The following ZDBF2 variants were observed in gnomAD, a reference collection of about 807,000 sequenced individuals.
ZDBF2 encodes the protein DBF4-type zinc finger-containing protein 2.
A neutral mutation model predicts 9.4 loss-of-function variants in ZDBF2; 6 were observed. The ratio of observed to expected loss-of-function variants is 0.64; its 90% CI spans 0.35 to 1.27. ZDBF2 has a LOEUF of 1.27. Among genes scored for constraint, ZDBF2 ranks in the 50% most tolerant of loss-of-function variants. ZDBF2 has a pLI of 0.03. For synonymous variants in ZDBF2, 905 were observed against 946.3 expected (o/e 0.96, Z 0.80); for missense variants, 2,697 against 2,766.8 (o/e 0.97, Z 0.57).
In ZDBF2 at chr2:206,309,338, A is replaced by G. The variant is rs759888565; in HGVS notation, c.4810A>G (p.Ile1604Val). Residue 1604 changes from isoleucine to valine, a missense_variant, in exon 5 of 5, where the codon ATA (isoleucine) becomes GTA (valine). Around this residue, in one of 3 missense-constraint regions of ZDBF2, gnomAD observed 1,783 missense variants for 1,776.5 expected, o/e 1.00. Transcript: ENST00000374423. ...TNQCKETFKI[I>V]NRKKDYIILG... ...CCAATGCAAAGAGACTTTCAAAATA[A>G]TAAACCGGAAGAAGGACTATATTAT... 2 of 1,612,960 alleles carry G rather than the reference A, an allele frequency of 1.2e-6. No homozygotes were observed. The highest frequency in any genetic ancestry group is 1.7e-6 in the Non-Finnish European group (2 of 1,179,518).
chr2:206,304,794 A>G lies in ZDBF2; in HGVS notation c.266A>G (p.Glu89Gly). ...VVHLDDAFSE[E>G]EEEDEDKVED... ...CATTTGGATGATGCTTTTTCTGAAG[A>G]AGAGGAAGAGGATGAGGATAAGGTT... is the stretch of plus-strand genomic sequence containing the variant. The change falls in exon 5 of 5, where the codon GAA becomes GGA. Residue 89 changes from glutamate (E) to glycine (G), a missense_variant. Coordinates refer to ENST00000374423, the MANE Select transcript of ZDBF2 (RefSeq NM_020923.3). 5.6e-6 allele frequency: 9 copies of G among 1,613,656 alleles called. No individual in the cohort carries two copies. The highest frequency in any genetic ancestry group is 7.6e-6 in the Non-Finnish European group (9 of 1,179,728).
At position 206,304,770 on chromosome 2, in the gene ZDBF2, A is replaced by G; in HGVS notation, c.242A>G (p.His81Arg). ...VNTGSSSEVVHLDDAFSEEEE... is the reference protein window; with the variant it reads ...VNTGSSSEVVRLDDAFSEEEE... ...ACTGGGTCATCGTCTGAAGTGGTGC[A>G]TTTGGATGATGCTTTTTCTGAAGAA... The change falls in exon 5 of 5, where the codon CAT (histidine) becomes CGT (arginine). Residue 81 changes from histidine to arginine, a missense_variant. His to Arg is a conservative substitution (Grantham distance 29). Transcript: ENST00000374423. The G allele has an allele frequency of 6.2e-7, 1 of 1,613,586 alleles. No individual in the cohort carries two copies.
At chr2:206,297,889 C>T (rs1692280337) in intron 4 of ZDBF2, among the ~76,000 whole-genome samples, 1 of 152,168 alleles carries the variant, frequency 6.6e-6, no homozygotes, top group South Asian at 2.1e-4. Flanking sequence ...CCATGTTGGT[C>T]AGGCTGGTCT....
chr2:206,296,685 A>G (rs1692195561), intron 3 of ZDBF2, among the ~76,000 whole-genome samples: 1 of 152,312 alleles, frequency 6.6e-6, no homozygotes, highest in African/African-American at 2.4e-5. Context: ...ACATGAAACC[A>G]TACGTGTGGT....
In ZDBF2 at chr2:206,310,828, A is replaced by G. The variant is rs1178638280; in HGVS notation, c.6300A>G (p.Gln2100=). 1 of 1,614,006 alleles carries G rather than the reference A, an allele frequency of 6.2e-7. No homozygotes were observed. ...SSAGDNDADG[Q]GSASAPLMAV... ...CAGGAGATAATGATGCTGATGGACAAGGCTCTGCTTCAGCGCCTTTAATGG... is the reference window on the plus strand; with the variant it reads ...CAGGAGATAATGATGCTGATGGACAGGGCTCTGCTTCAGCGCCTTTAATGG... Residue 2100 remains glutamine (Q), a synonymous_variant, in exon 5 of 5, where the codon CAA becomes CAG. Coordinates refer to ENST00000374423, the MANE Select transcript of ZDBF2 (RefSeq NM_020923.3).
At chr2:206,303,121 T>C (rs999009974) in intron 4 of ZDBF2, among the ~76,000 whole-genome samples, 1 of 124,816 alleles carries the variant, frequency 8.0e-6, no homozygotes, top group Non-Finnish European at 1.9e-5. Flanking sequence ...AAACTAAGAT[T>C]TCCTTAGTTT....
rs761531271 is a variant in ZDBF2, at chr2:206,309,345, G to A, written c.4817G>A (p.Arg1606Gln). The change falls in exon 5 of 5, where the codon CGG becomes CAG. Residue 1606 changes from arginine to glutamine, a missense_variant. This residue lies in a region of ZDBF2 where 1,783 missense variants were observed against 1,776.5 expected (regional missense o/e 1.00). Coordinates refer to ENST00000374423, the MANE Select transcript of ZDBF2 (RefSeq NM_020923.3). ...QCKETFKIIN[R>Q]KKDYIILGEP... ...AAAGAGACTTTCAAAATAATAAACC[G>A]GAAGAAGGACTATATTATTCTGGGA... 38 of 1,612,668 alleles carry A rather than the reference G, an allele frequency of 2.4e-5. No homozygotes were observed. The highest frequency in any genetic ancestry group is 3.1e-5 in the Non-Finnish European group (37 of 1,179,520).
intron 4 of ZDBF2, among the ~76,000 whole-genome samples, chr2:206,304,312 T>A (rs1393650472): frequency 6.6e-6 from 1 of 152,236 alleles, no homozygotes; most frequent in East Asian, 1.9e-4. Flanking sequence ...GCTCTTTACA[T>A]GTAACAATTA....
At chr2:206,297,614 CA>C (rs1384646603) in intron 4 of ZDBF2, among the ~76,000 whole-genome samples, 2 of 152,018 alleles carry the variant, frequency 1.3e-5, no homozygotes, top group African/African-American at 4.8e-5. Flanking sequence ...AATTATATAT[CA>C]TTAAGATGTT....
chr2:206,296,456 GTTTTA>G (rs1692183208), intron 3 of ZDBF2, among the ~76,000 whole-genome samples: 1 of 152,092 alleles, frequency 6.6e-6, no homozygotes, highest in Non-Finnish European at 1.5e-5. Flanking sequence ...TGTTATAATT[GTTTTA>G]TTTCATTATC....
intron 1 of ZDBF2, among the ~76,000 whole-genome samples, chr2:206,276,588 G>C (rs1446721144): frequency 6.6e-6 from 1 of 152,152 alleles, no homozygotes; most frequent in Non-Finnish European, 1.5e-5. Context: ...TGTCTAAGTC[G>C]TTAAGAGGTT....
chr2:206,308,566 T>C lies in ZDBF2; in HGVS notation c.4038T>C (p.Ile1346=). The C allele has an allele frequency of 6.2e-7, 1 of 1,613,548 alleles. No individual in the cohort carries two copies. The highest frequency in any genetic ancestry group is 8.5e-7 in the Non-Finnish European group (1 of 1,179,792). Residue 1346 remains isoleucine (I), a synonymous_variant, in exon 5 of 5, where the codon ATT becomes ATC. Coordinates refer to ENST00000374423, the MANE Select transcript of ZDBF2 (RefSeq NM_020923.3). ...PLQSVIKQPH[I]LEEEHASLED... is the part of the protein sequence containing the mutation. The stretch of plus-strand genomic sequence containing the variant: ...AGTCAGTGATAAAACAACCACACAT[T>C]TTGGAAGAGGAGCATGCCAGTCTGG...
rs149317779 is a variant in ZDBF2, at chr2:206,304,824, A to T, written c.296A>T (p.Asp99Val). The T allele has an allele frequency of 1.3e-3, 2,093 of 1,613,726 alleles. 10 individuals carry two copies. The highest frequency in any genetic ancestry group is 0.011 in the Middle Eastern group (64 of 6,056). ...EEEEDEDKVE[D>V]EDATEERPSE... The stretch of plus-strand genomic sequence containing the variant: ...GAAGAGGATGAGGATAAGGTTGAGG[A>T]TGAGGATGCTACCGAAGAGAGACCA... The change falls in exon 5 of 5, where the codon GAT becomes GTT. Residue 99 changes from aspartate (D) to valine (V), a missense_variant. Coordinates refer to ENST00000374423, the MANE Select transcript of ZDBF2 (RefSeq NM_020923.3).
chr2:206,286,562 T>TAA (rs74627955), intron 3 of ZDBF2, among the ~76,000 whole-genome samples: 11 of 145,932 alleles, frequency 7.5e-5, no homozygotes, highest in Non-Finnish European at 1.2e-4. Flanking sequence ...ATATGTGTCT[T>TAA]AAAAAAAAAA....
intron 1 of ZDBF2, among the ~76,000 whole-genome samples, chr2:206,275,241 G>C (rs1468326816): frequency 9.2e-5 from 14 of 152,114 alleles, no homozygotes; most frequent in African/African-American, 4.8e-5. Flanking sequence ...GCCGGCGGAC[G>C]AGGCCTCGGG....
intron 1 of ZDBF2, among the ~76,000 whole-genome samples, chr2:206,276,606 A>G (rs1481501301): frequency 6.6e-6 from 1 of 152,214 alleles, no homozygotes. Context: ...GTTAAAGCAT[A>G]AACTACTCAA....
At chr2:206,279,979 A>G (rs1447384119) in intron 2 of ZDBF2, among the ~76,000 whole-genome samples, 1 of 152,002 alleles carries the variant, frequency 6.6e-6, no homozygotes, top group East Asian at 1.9e-4. Flanking sequence ...TAGTTTTTGT[A>G]TTTTTAGTAG....
In ZDBF2 at chr2:206,308,785, G is replaced by A; in HGVS notation, c.4257G>A (p.Gln1419=). The change falls in exon 5 of 5, where the codon CAG becomes CAA. Residue 1419 remains glutamine (Q), a synonymous_variant. Transcript: ENST00000374423. ...DVSYASHIPV[Q]FVTDQSSVPV... The stretch of plus-strand genomic sequence containing the variant: ...GTTATGCTTCTCATATTCCTGTTCA[G>A]TTTGTGACTGATCAATCTTCTGTAC... 1 of 1,613,806 alleles carries A rather than the reference G, an allele frequency of 6.2e-7. No homozygotes were observed. The highest frequency in any genetic ancestry group is 8.5e-7 in the Non-Finnish European group (1 of 1,179,820).
chr2:206,285,169 CAGT>C (rs879407507), intron 3 of ZDBF2, among the ~76,000 whole-genome samples: 1 of 152,164 alleles, frequency 6.6e-6, no homozygotes, highest in African/African-American at 2.4e-5. Flanking sequence ...AATACCTAAT[CAGT>C]AGGATTGCTG....
Sources: gnomAD v4.1 joint callset for allele counts (sites outside exome capture counted in the v4.1 genomes callset) on GRCh38, gnomAD v4.1.1 for gene constraint, gnomAD v4.1.1 regional missense constraint, MANE v1.5 for transcripts, NCBI Gene and HGNC (gene_info 2026-07-23, HGNC 2026-07-21) for gene names.